Variants in GRK5 observed in about 807,000 individuals in gnomAD.
GRK5 encodes g protein-coupled receptor kinase GRK5.
In GRK5, 40 loss-of-function variants were observed where a neutral mutation model predicts 78.4. That is an observed-to-expected ratio of 0.51 (90% CI 0.40 to 0.66). The LOEUF is 0.66. GRK5 is among the 30% of genes least tolerant of loss of function. The pLI, the probability that GRK5 is intolerant of heterozygous loss-of-function variation, is 0.00. For synonymous variants in GRK5, 289 were observed against 296.8 expected, an observed-to-expected ratio of 0.97 and a Z score of 0.27; for missense variants, 598 against 759.9, an observed-to-expected ratio of 0.79 and a Z score of 2.50.
intron 1 of GRK5, among the ~76,000 whole-genome samples, chr10:119,215,654 C>T (rs1453407855): frequency 1.3e-5 from 2 of 151,952 alleles, no homozygotes; most frequent in Non-Finnish European, 2.9e-5. Flanking sequence ...GGGGGTTAAG[C>T]TACCATATCC....
At chr10:119,396,254 A>C (rs1237751464) in intron 3 of GRK5, among the ~76,000 whole-genome samples, 2 of 152,166 alleles carry the variant, frequency 1.3e-5, no homozygotes, top group Non-Finnish European at 2.9e-5. Context: ...GGTCTGAGTG[A>C]CCTAAGGCAG....
chr10:119,441,659 A>G (rs760555591), intron 10 of GRK5, among the ~76,000 whole-genome samples: 1 of 152,170 alleles, frequency 6.6e-6, no homozygotes, highest in Non-Finnish European at 1.5e-5. Flanking sequence ...CATTTTTCCC[A>G]TGAAGTAATC....
intron 1 of GRK5, among the ~76,000 whole-genome samples, chr10:119,316,537 A>C (rs1471633319): frequency 1.3e-5 from 2 of 152,258 alleles, no homozygotes; most frequent in East Asian, 3.8e-4. Flanking sequence ...CCACGGCAAC[A>C]GATTCAGGGA....
chr10:119,314,404 G>A (rs1335034394), intron 1 of GRK5, among the ~76,000 whole-genome samples: 1 of 152,206 alleles, frequency 6.6e-6, no homozygotes, highest in Non-Finnish European at 1.5e-5. Context: ...TTCTCCTCAT[G>A]TGAAAAGAGC....
In GRK5 at chr10:119,271,011, G is replaced by C. The variant is rs1188609125; in HGVS notation, c.53-55505G>C. On this transcript the variant is annotated intron_variant, in intron 1 of 15. Coordinates refer to ENST00000392870, the MANE Select transcript of GRK5 (RefSeq NM_005308.3). The surrounding 1 kb of genome is among the most constrained non-coding windows in gnomAD (Gnocchi z 4.1). Reference sequence around the variant, plus strand: ...GCGATAGGATGAAATGCATTTAAATGTCATGAGTGTTATTATTAGTCGTAA... The same window carrying C: ...GCGATAGGATGAAATGCATTTAAATCTCATGAGTGTTATTATTAGTCGTAA... Among the ~76,000 whole-genome samples the C allele has an allele frequency of 6.6e-6, 1 of 152,226 alleles. No individual in the cohort carries two copies. Among genetic ancestry groups the C allele is most frequent in the Non-Finnish European group, 1.5e-5 (1 of 68,040 alleles).
chr10:119,248,605 C>G (rs984783363), intron 1 of GRK5, among the ~76,000 whole-genome samples: 1 of 152,030 alleles, frequency 6.6e-6, no homozygotes, highest in African/African-American at 2.4e-5. Context: ...GATGAGTGAC[C>G]TAGGGCAGGG....
At position 119,457,693 on chromosome 10, in the gene GRK5, T is replaced by A. The variant is rs1853420461; in HGVS notation, c.*2626T>A. 1 of 150,804 alleles carries A rather than the reference T, an allele frequency of 6.6e-6. No homozygotes were observed. Among genetic ancestry groups the A allele is most frequent in the Non-Finnish European group, 1.5e-5 (1 of 67,722 alleles). 9.3% of individuals were successfully genotyped at this position (150,804 alleles called of 1,614,324 possible). A position where few individuals can be genotyped will look rare whatever the true frequency, so the allele number is the denominator to read the frequency against. ...GGTTTCTATAGCTGCATTTTTTTTT[T>A]TTTTTTTTTTTGAGACAAGATCTCA... On this transcript the variant is annotated 3_prime_UTR_variant, in exon 16 of 16. Transcript: ENST00000392870.
chr10:119,261,865 G>T (rs1036209151), intron 1 of GRK5, among the ~76,000 whole-genome samples: 1 of 152,224 alleles, frequency 6.6e-6, no homozygotes, highest in African/African-American at 2.4e-5. Context: ...TCCAGCTTCG[G>T]CTCGGCATGA....
At chr10:119,397,545 T>C (rs989242453) in intron 4 of GRK5, among the ~76,000 whole-genome samples, 5 of 152,194 alleles carry the variant, frequency 3.3e-5, no homozygotes, top group African/African-American at 1.2e-4. Flanking sequence ...TGGGAATAGC[T>C]TTGCGTGTGT....
intron 8 of GRK5, among the ~76,000 whole-genome samples, chr10:119,433,790 C>G (rs963635695): frequency 1.3e-5 from 2 of 152,174 alleles, no homozygotes; most frequent in Admixed American, 6.5e-5. Context: ...TTCACAGAGC[C>G]TTGGGTGTCT....
chr10:119,261,007 C>A (rs1357427454), intron 1 of GRK5, among the ~76,000 whole-genome samples: 4 of 145,572 alleles, frequency 2.7e-5, no homozygotes, highest in East Asian at 4.2e-4. Context: ...CCTCACCTCC[C>A]GGACGGGGCG....
intron 1 of GRK5, among the ~76,000 whole-genome samples, chr10:119,316,082 T>C (rs1850482599): frequency 6.6e-6 from 1 of 152,156 alleles, no homozygotes; most frequent in Non-Finnish European, 1.5e-5. Flanking sequence ...CAGACTATTC[T>C]GGAAATGGGG....
chr10:119,227,808 T>C (rs771344552), intron 1 of GRK5, among the ~76,000 whole-genome samples: 6 of 152,148 alleles, frequency 3.9e-5, no homozygotes, highest in Non-Finnish European at 8.8e-5. Context: ...ATTTAAAAAG[T>C]GTGGGTGAAT....
At chr10:119,302,652 A>G (rs1850203662) in intron 1 of GRK5, among the ~76,000 whole-genome samples, 1 of 152,188 alleles carries the variant, frequency 6.6e-6, no homozygotes, top group South Asian at 2.1e-4. Context: ...AAGCCAGCCT[A>G]CCTGGTGGTT....
At chr10:119,344,559 T>C (rs1033523787) in intron 2 of GRK5, among the ~76,000 whole-genome samples, 2 of 152,202 alleles carry the variant, frequency 1.3e-5, no homozygotes, top group Non-Finnish European at 2.9e-5. Flanking sequence ...ACCTGTCCCT[T>C]CCCTGCTCTT....
Position 119,208,002 on chromosome 10 carries a change from T to G in GRK5, c.52+33T>G, listed in dbSNP as rs200950380. 64 of 1,594,022 alleles carry G rather than the reference T, an allele frequency of 4.0e-5. No individual in the cohort carries two copies. The East Asian group carries it at 1.4e-3, about 36-fold the overall frequency. On this transcript the variant is annotated intron_variant, in intron 1 of 15. Transcript: ENST00000392870. ...GCAGGGCCGGTACGTGCCCGGCGCG[T>G]CCGCCGCGGGCCAGGGTGCGGGTGT...
At chr10:119,376,095 C>A (rs1851616328) in intron 2 of GRK5, among the ~76,000 whole-genome samples, 1 of 152,236 alleles carries the variant, frequency 6.6e-6, no homozygotes, top group African/African-American at 2.4e-5. Context: ...GTCCAGCTTG[C>A]CTTCCCAGTG....
chr10:119,444,214 A>G (rs1853098857), intron 12 of GRK5, among the ~76,000 whole-genome samples: 1 of 152,074 alleles, frequency 6.6e-6, no homozygotes, highest in African/African-American at 2.4e-5. Context: ...TCAGTCTTTG[A>G]ACATCTTATA....
At chr10:119,266,081 T>A (rs557385521) in intron 1 of GRK5, among the ~76,000 whole-genome samples, 8 of 152,208 alleles carry the variant, frequency 5.3e-5, no homozygotes, top group Non-Finnish European at 7.3e-5. Flanking sequence ...GTCCTGAGGT[T>A]GTGCCCATTG....
Sources: allele counts gnomAD v4.1 joint callset (sites outside exome capture counted in the v4.1 genomes callset), GRCh38; gene constraint gnomAD v4.1.1; non-coding constraint Gnocchi (gnomAD v3.1); transcripts MANE v1.5; gene names NCBI Gene and HGNC (gene_info 2026-07-23, HGNC 2026-07-21).